RPA3: variants seen among roughly 807,000 people sequenced by gnomAD.
RPA3 encodes the protein replication protein A3.
Under a neutral mutation model 13.7 loss-of-function variants are expected in RPA3, and 24 were observed. That is an observed-to-expected ratio of 1.75 (90% confidence interval 1.27 to 2.46). The LOEUF (loss-of-function observed/expected upper bound fraction) is 2.46. RPA3 is among the 30% of genes most tolerant of loss of function. The pLI, the probability that RPA3 is intolerant of heterozygous loss-of-function variation, is 0.00. For missense variants in RPA3, 183 were observed against 151.0 expected (o/e 1.21, Z -1.11); for synonymous variants, 59 against 51.2 (o/e 1.15, Z -0.65).
At position 7,696,281 on chromosome 7, in the gene RPA3, G is replaced by A. The variant is rs1230347690; in HGVS notation, c.-1027-8953C>T. On this transcript the variant is annotated intron_variant, in intron 2 of 7. Transcript: ENST00000223129. ...AGACTCACTCTTTTAGCCAAAGTTGGTAAGAATTATTAGGTAGATTAAAAA... is the reference window on the plus strand; with the variant it reads ...AGACTCACTCTTTTAGCCAAAGTTGATAAGAATTATTAGGTAGATTAAAAA... Among the ~76,000 whole-genome samples, 3 of 150,540 alleles carry A rather than the reference G, an allele frequency of 2.0e-5. No homozygotes were observed. The East Asian group carries it at 5.8e-4, about 29-fold the overall frequency.
chr7:7,694,575 C>G (rs1395584613), intron 2 of RPA3, among the ~76,000 whole-genome samples: 2 of 151,682 alleles, frequency 1.3e-5, no homozygotes, highest in Admixed American at 6.6e-5. Flanking sequence ...TCATTCTACT[C>G]TCTATCTCTC....
At chr7:7,637,655 A>C (rs1447467575) in intron 7 of RPA3, among the ~76,000 whole-genome samples, 2 of 151,020 alleles carry the variant, frequency 1.3e-5, no homozygotes, top group African/African-American at 4.8e-5. Context: ...GTATGTTAAA[A>C]CATAGTTATA....
At chr7:7,705,185 A>T (rs1432937712) in intron 2 of RPA3, among the ~76,000 whole-genome samples, 1 of 152,196 alleles carries the variant, frequency 6.6e-6, no homozygotes, top group Non-Finnish European at 1.5e-5. Flanking sequence ...TCTTGTTGAC[A>T]TGCATGGAAT....
chr7:7,688,959 T>C (rs898819310), intron 2 of RPA3, among the ~76,000 whole-genome samples: 5 of 152,324 alleles, frequency 3.3e-5, no homozygotes, highest in Non-Finnish European at 7.4e-5. Flanking sequence ...ATTTAAATTA[T>C]ACTTACTTTA....
chr7:7,702,033 A>C (rs923554740), intron 2 of RPA3, among the ~76,000 whole-genome samples: 3 of 152,242 alleles, frequency 2.0e-5, no homozygotes, highest in African/African-American at 7.2e-5. Flanking sequence ...ATTGAAATTC[A>C]GATAGAGAAG....
At chr7:7,699,026 T>C (rs1293577001) in intron 2 of RPA3, among the ~76,000 whole-genome samples, 1 of 141,236 alleles carries the variant, frequency 7.1e-6, no homozygotes. Context: ...AGTTAATTTT[T>C]ATATAGTTTG....
At chr7:7,710,307 C>T (rs1191589659) in intron 2 of RPA3, among the ~76,000 whole-genome samples, 2 of 151,954 alleles carry the variant, frequency 1.3e-5, no homozygotes, top group African/African-American at 4.8e-5. Flanking sequence ...GCAAAAATTG[C>T]CCAAAATGAA....
intron 4 of RPA3, among the ~76,000 whole-genome samples, chr7:7,652,747 C>T (rs1199924294): frequency 2.6e-5 from 4 of 152,188 alleles, no homozygotes; most frequent in African/African-American, 9.6e-5. Context: ...AAATAGTGAA[C>T]AAACAAATGA....
At chr7:7,681,761 G>A (rs1348857367) in intron 4 of RPA3, among the ~76,000 whole-genome samples, 2 of 152,032 alleles carry the variant, frequency 1.3e-5, no homozygotes, top group Non-Finnish European at 2.9e-5. Flanking sequence ...GTTTTCTCCT[G>A]TTATGACATG....
In RPA3 at chr7:7,683,774, C is replaced by T. The variant is rs534111934; in HGVS notation, c.-758+2056G>A. On this transcript the variant is annotated intron_variant, in intron 4 of 7. Coordinates refer to ENST00000223129, the MANE Select transcript of RPA3 (RefSeq NM_002947.5). ...AGTAGCTGGGATTACAGGCATGCAC[C>T]ACCACACCTGCCTAATTTTTGTATT... Among the ~76,000 whole-genome samples, 163 of 152,260 alleles carry T rather than the reference C, an allele frequency of 1.1e-3. No individual in the cohort carries two copies. The Middle Eastern group carries it at 0.014, about 13-fold the overall frequency.
chr7:7,678,086 C>T (rs907235593), intron 4 of RPA3, among the ~76,000 whole-genome samples: 2 of 152,062 alleles, frequency 1.3e-5, no homozygotes, highest in African/African-American at 4.8e-5. Flanking sequence ...CTGATTTCTT[C>T]TTTTGGGTAT....
intron 4 of RPA3, among the ~76,000 whole-genome samples, chr7:7,645,403 C>T (rs1355583099): frequency 6.6e-6 from 1 of 152,160 alleles, no homozygotes; most frequent in Non-Finnish European, 1.5e-5. Context: ...CTCAGGGCCC[C>T]AGGTTCTTTC....
intron 4 of RPA3, among the ~76,000 whole-genome samples, chr7:7,643,667 G>T (rs186494334): frequency 4.0e-5 from 6 of 150,098 alleles, no homozygotes; most frequent in Non-Finnish European, 8.8e-5. Flanking sequence ...AGCCGAGATC[G>T]CGCCACTTCA....
At chr7:7,694,256 T>G (rs1442832963) in intron 2 of RPA3, among the ~76,000 whole-genome samples, 1 of 152,134 alleles carries the variant, frequency 6.6e-6, no homozygotes. Flanking sequence ...TATGAGTATA[T>G]AGTAGGTATA....
At chr7:7,710,842 A>G (rs1780740311) in intron 2 of RPA3, among the ~76,000 whole-genome samples, 2 of 152,218 alleles carry the variant, frequency 1.3e-5, no homozygotes, top group Non-Finnish European at 2.9e-5. Context: ...ATATCATGGA[A>G]TAATACTCAG....
chr7:7,666,681 A>T (rs551043021), intron 4 of RPA3, among the ~76,000 whole-genome samples: 10 of 151,938 alleles, frequency 6.6e-5, no homozygotes, highest in African/African-American at 2.4e-4. Context: ...CCCGGTTTTT[A>T]TTGAGCTGTT....
At chr7:7,714,596 A>G (rs548898548) in intron 2 of RPA3, among the ~76,000 whole-genome samples, 2 of 152,336 alleles carry the variant, frequency 1.3e-5, no homozygotes, top group South Asian at 4.1e-4. Flanking sequence ...ATTTGTAAAT[A>G]TCTTTAAATT....
At chr7:7,664,091 T>C (rs1460008345) in intron 4 of RPA3, among the ~76,000 whole-genome samples, 5 of 152,240 alleles carry the variant, frequency 3.3e-5, no homozygotes, top group African/African-American at 1.2e-4. Flanking sequence ...GTGAATTTCT[T>C]GCTATTATTT....
At chr7:7,691,180 A>G (rs1292059401) in intron 2 of RPA3, among the ~76,000 whole-genome samples, 8 of 152,334 alleles carry the variant, frequency 5.3e-5, no homozygotes, top group Middle Eastern at 3.4e-3. Context: ...TTTTCATTCC[A>G]AAATTTTCCT....
Sources: gnomAD v4.1 joint callset for allele counts (sites outside exome capture counted in the v4.1 genomes callset) on GRCh38, gnomAD v4.1.1 for gene constraint, MANE v1.5 for transcripts, NCBI Gene and HGNC (gene_info 2026-07-23, HGNC 2026-07-21) for gene names.